The following PHF21B variants were observed in gnomAD, a reference collection of about 807,000 sequenced individuals.
PHF21B encodes PHD finger protein 4.
PHF21B carries 22 observed loss-of-function variants against 62.2 expected under a neutral mutation model. The ratio of observed to expected loss-of-function variants is 0.35; its 90% CI spans 0.25 to 0.51. PHF21B has a LOEUF of 0.51. Ranked by LOEUF, PHF21B falls within the 20% of genes least tolerant of loss-of-function variation. The pLI is 0.97. For missense variants in PHF21B, 701 were observed against 707.9 expected, an observed-to-expected ratio of 0.99 and a Z score of 0.11; for synonymous variants, 341 against 314.7, an observed-to-expected ratio of 1.08 and a Z score of -0.88.
At chr22:44,996,604 G>A (rs891713911) in intron 2 of PHF21B, among the ~76,000 whole-genome samples, 2 of 151,460 alleles carry the variant, frequency 1.3e-5, no homozygotes, top group African/African-American at 2.4e-5. Context: ...TCCCTACCCC[G>A]TTTGACTCTC....
At chr22:45,008,274 C>T in intron 2 of PHF21B, 1 of 321,532 alleles carries the variant, frequency 3.1e-6, no homozygotes, top group Non-Finnish European at 5.6e-6. Flanking sequence ...AAAACATGTC[C>T]ACCACCTCAA....
chr22:44,936,429 CCTCCT>C (rs896240666), intron 2 of PHF21B, among the ~76,000 whole-genome samples: 1 of 152,182 alleles, frequency 6.6e-6, no homozygotes. Context: ...AGCCCTGTCG[CCTCCT>C]GTCCCCAGCC....
At chr22:44,950,572 C>G (rs1421279399) in intron 2 of PHF21B, among the ~76,000 whole-genome samples, 3 of 151,568 alleles carry the variant, frequency 2.0e-5, no homozygotes, top group African/African-American at 7.3e-5. Context: ...TCTTCGTGTT[C>G]GTGTTTTTTT....
chr22:44,943,555 C>G (rs545067663), intron 2 of PHF21B, among the ~76,000 whole-genome samples: 2 of 152,272 alleles, frequency 1.3e-5, no homozygotes, highest in Admixed American at 6.5e-5. Flanking sequence ...GGCAGCTGCA[C>G]GCTTCCTCCA....
intron 2 of PHF21B, among the ~76,000 whole-genome samples, chr22:44,997,259 G>A (rs1301554568): frequency 6.6e-6 from 1 of 152,136 alleles, no homozygotes. Context: ...AGCCACAGGT[G>A]GCTCCTGGCA....
At chr22:45,008,720 G>T in intron 1 of PHF21B, 110 bp from the exon 2 acceptor site, 4 of 1,168,866 alleles carry the variant, frequency 3.4e-6, no homozygotes, top group Non-Finnish European at 4.2e-6. Flanking sequence ...GGGGCCGGCC[G>T]CAGCGCACCC....
intron 2 of PHF21B, among the ~76,000 whole-genome samples, chr22:44,957,598 C>A (rs1018269916): frequency 6.6e-6 from 1 of 152,148 alleles, no homozygotes. Context: ...ATTTGTTTGG[C>A]GTTCTGGGTT....
intron 2 of PHF21B, among the ~76,000 whole-genome samples, chr22:45,004,878 G>A (rs1326724890): frequency 3.3e-5 from 5 of 152,198 alleles, no homozygotes; most frequent in East Asian, 1.9e-4. Flanking sequence ...TCAGCTCCAC[G>A]GACTCTTGGG....
intron 2 of PHF21B, among the ~76,000 whole-genome samples, chr22:44,974,510 ACCCAC>A (rs2072700747): frequency 6.6e-6 from 1 of 151,972 alleles, no homozygotes; most frequent in Non-Finnish European, 1.5e-5. Flanking sequence ...CAGCCGACAT[ACCCAC>A]ATGTGTTGGT....
intron 5 of PHF21B, among the ~76,000 whole-genome samples, chr22:44,913,598 A>C (rs1222415356): frequency 6.6e-6 from 1 of 152,254 alleles, no homozygotes; most frequent in Non-Finnish European, 1.5e-5. Context: ...TTGTGCTAAC[A>C]ACTGCCTCAC....
intron 2 of PHF21B, among the ~76,000 whole-genome samples, chr22:44,953,948 C>T (rs543288553): frequency 1.3e-5 from 2 of 152,220 alleles, no homozygotes; most frequent in Non-Finnish European, 2.9e-5. Flanking sequence ...AAGCCAGGCT[C>T]GGCCCTGAAA....
intron 2 of PHF21B, among the ~76,000 whole-genome samples, chr22:44,982,497 G>A (rs748441574): frequency 1.3e-5 from 2 of 152,092 alleles, no homozygotes; most frequent in Non-Finnish European, 2.9e-5. Flanking sequence ...AAGTCTGCAG[G>A]ACTCTAAGCC....
At position 45,009,212 on chromosome 22, in the gene PHF21B, C is replaced by T; in HGVS notation, c.54+284G>A. On this transcript the variant is annotated intron_variant, in intron 1 of 12. Coordinates refer to ENST00000313237, the MANE Select transcript of PHF21B (RefSeq NM_138415.5). The surrounding 1 kb of genome is among the most constrained non-coding windows in gnomAD (Gnocchi z 5.9). ...GGCTCACGAAGGGGCCCCCTCCAGG[C>T]ACCCTCCCAGTCATGCAGACCCTAC... 1 of 421,544 alleles carries T rather than the reference C, an allele frequency of 2.4e-6. No homozygotes were observed. Among genetic ancestry groups the T allele is most frequent in the Non-Finnish European group, 4.0e-6 (1 of 247,474 alleles). The allele number at this position is 421,544 out of a possible 1,614,324, so 26.1% of individuals were successfully genotyped here. A position where few individuals can be genotyped will look rare whatever the true frequency, so the allele number is the denominator to read the frequency against.
intron 8 of PHF21B, among the ~76,000 whole-genome samples, chr22:44,891,063 G>A (rs568219086): frequency 2.6e-5 from 4 of 152,330 alleles, no homozygotes; most frequent in East Asian, 1.9e-4. Context: ...CATCGGTCAC[G>A]CTCACACCTA....
intron 1 of PHF21B, chr22:45,008,899 C>A: frequency 8.6e-7 from 1 of 1,166,536 alleles, no homozygotes; most frequent in African/African-American, 1.6e-5. Context: ...GGTGCGTGTG[C>A]GAGTGAGTGT....
chr22:44,933,386 C>T (rs2071780438), intron 2 of PHF21B: 9 of 891,082 alleles, frequency 1.0e-5, no homozygotes, highest in Non-Finnish European at 1.2e-5. Flanking sequence ...GATGGGATTA[C>T]AGGCGTGAGC....
intron 2 of PHF21B, among the ~76,000 whole-genome samples, chr22:44,935,189 G>A (rs1186339430): frequency 1.3e-5 from 2 of 152,124 alleles, no homozygotes; most frequent in Admixed American, 1.3e-4. Context: ...AAAGATCTGA[G>A]AGCAAACCCC....
chr22:44,891,057 G>A (rs956519327), intron 8 of PHF21B, among the ~76,000 whole-genome samples: 2 of 152,198 alleles, frequency 1.3e-5, no homozygotes, highest in Admixed American at 6.5e-5. Context: ...AGGCCCCATC[G>A]GTCACGCTCA....
At position 44,916,433 on chromosome 22, in the gene PHF21B, G is replaced by A. The variant is rs756499511; in HGVS notation, c.411C>T (p.Ala137=). 8.8e-6 allele frequency: 14 copies of A among 1,597,782 alleles called. No homozygotes were observed. The highest frequency in any genetic ancestry group is 1.7e-4 in the Middle Eastern group (1 of 5,998). ...CACTGCTCAGCGGAGAGGCGAGGGC[G>A]GCGGGCTCGGCGAGGGCCTGGGGCT... ...GSQPQALAEP[A]ALASPLSSAG... is the part of the protein sequence containing the mutation. Residue 137 remains alanine, a synonymous_variant, in exon 4 of 13, where the codon GCC becomes GCT. Coordinates refer to ENST00000313237, the MANE Select transcript of PHF21B (RefSeq NM_138415.5).
Sources: allele counts gnomAD v4.1 joint callset (sites outside exome capture counted in the v4.1 genomes callset), GRCh38; gene constraint gnomAD v4.1.1; non-coding constraint Gnocchi (gnomAD v3.1); transcripts MANE v1.5; gene names NCBI Gene and HGNC (gene_info 2026-07-23, HGNC 2026-07-21).